KCNQ5: variants seen among roughly 807,000 people sequenced by gnomAD.
KCNQ5 encodes potassium voltage-gated channel subfamily KQT member 5.
A neutral mutation model predicts 98.2 loss-of-function variants in KCNQ5; 30 were observed. That is an observed-to-expected ratio of 0.31 (90% CI 0.23 to 0.41). KCNQ5 has a LOEUF of 0.41. Among genes scored for constraint, KCNQ5 ranks in the 10% least tolerant of loss-of-function variants. KCNQ5 has a pLI of 1.00. For missense variants in KCNQ5, 835 were observed against 1,182.5 expected, an observed-to-expected ratio of 0.71 and a Z score of 4.31; for synonymous variants, 458 against 449.4, an observed-to-expected ratio of 1.02 and a Z score of -0.24.
At chr6:73,186,261 G>A (rs1356402037) in intron 11 of KCNQ5, among the ~76,000 whole-genome samples, 1 of 151,852 alleles carries the variant, frequency 6.6e-6, no homozygotes. Context: ...GACAGTCTAT[G>A]CTTTTAAACA....
intron 1 of KCNQ5, among the ~76,000 whole-genome samples, chr6:72,731,292 A>G (rs1187973366): frequency 6.6e-6 from 1 of 152,216 alleles, no homozygotes; most frequent in African/African-American, 2.4e-5. Context: ...GCAAAGCACA[A>G]TGGAGATAGA....
intron 1 of KCNQ5, among the ~76,000 whole-genome samples, chr6:73,002,812 GC>G (rs1275949937): frequency 6.6e-6 from 1 of 152,148 alleles, no homozygotes; most frequent in Non-Finnish European, 1.5e-5. Flanking sequence ...GGCATTAGGA[GC>G]CAGATTTGTC....
chr6:72,648,685 G>A (rs1436202113), intron 1 of KCNQ5, among the ~76,000 whole-genome samples: 1 of 151,720 alleles, frequency 6.6e-6, no homozygotes, highest in Non-Finnish European at 1.5e-5. Context: ...GCATATGCAG[G>A]AGTTTCTACT....
At chr6:72,745,182 C>G (rs1235277339) in intron 1 of KCNQ5, among the ~76,000 whole-genome samples, 2 of 152,144 alleles carry the variant, frequency 1.3e-5, no homozygotes, top group African/African-American at 4.8e-5. Context: ...AAAAATCCAG[C>G]CATGAAAGGA....
chr6:72,631,970 C>A (rs998468828), intron 1 of KCNQ5, among the ~76,000 whole-genome samples: 1 of 152,036 alleles, frequency 6.6e-6, no homozygotes, highest in Admixed American at 6.6e-5. Context: ...AACCAGAATA[C>A]CAAAGTAGGG....
intron 1 of KCNQ5, among the ~76,000 whole-genome samples, chr6:72,894,299 C>A (rs1391870690): frequency 6.6e-6 from 1 of 152,194 alleles, no homozygotes; most frequent in Non-Finnish European, 1.5e-5. Flanking sequence ...TGGAAAAGAG[C>A]CATGAATAAC....
At chr6:73,125,661 G>A in intron 9 of KCNQ5, 1 of 193,416 alleles carries the variant, frequency 5.2e-6, no homozygotes, top group Non-Finnish European at 1.0e-5. Flanking sequence ...TTAAGGCTCT[G>A]GATTATCCAT....
At chr6:72,730,757 A>G (rs936296336) in intron 1 of KCNQ5, among the ~76,000 whole-genome samples, 1 of 152,056 alleles carries the variant, frequency 6.6e-6, no homozygotes, top group South Asian at 2.1e-4. Flanking sequence ...ATTCTTCATT[A>G]CACTTTTTTC....
chr6:72,833,828 A>G (rs111334431), intron 1 of KCNQ5, among the ~76,000 whole-genome samples: 13 of 152,298 alleles, frequency 8.5e-5, no homozygotes, highest in Non-Finnish European at 1.6e-4. Context: ...AAATTATGAC[A>G]TATTTATATG....
At chr6:72,691,432 C>T (rs972779870) in intron 1 of KCNQ5, among the ~76,000 whole-genome samples, 3 of 152,150 alleles carry the variant, frequency 2.0e-5, no homozygotes, top group African/African-American at 7.2e-5. Flanking sequence ...ACCCTTTAGT[C>T]GTATTTTGAG....
chr6:73,087,850 C>G (rs1774054755), intron 5 of KCNQ5, among the ~76,000 whole-genome samples: 1 of 151,994 alleles, frequency 6.6e-6, no homozygotes, highest in African/African-American at 2.4e-5. Context: ...GAATTTGTCT[C>G]CCTCTTTATC....
intron 10 of KCNQ5, among the ~76,000 whole-genome samples, chr6:73,150,809 G>C (rs1339556773): frequency 9.4e-6 from 1 of 105,862 alleles, no homozygotes. Context: ...CATTAATGTA[G>C]TGTGGGAAGT....
intron 9 of KCNQ5, chr6:73,125,570 C>T: frequency 2.2e-6 from 1 of 444,654 alleles, no homozygotes; most frequent in Non-Finnish European, 4.5e-6. Context: ...GTTCTTTTAG[C>T]TTAGTACTAT....
intron 3 of KCNQ5, among the ~76,000 whole-genome samples, chr6:73,051,308 AG>A (rs896362875): frequency 6.6e-6 from 1 of 152,140 alleles, no homozygotes; most frequent in African/African-American, 2.4e-5. Context: ...GTGCACATGG[AG>A]GCCGGCAGCC....
At chr6:73,158,035 C>T (rs1777437933) in intron 10 of KCNQ5, 1 of 685,058 alleles carries the variant, frequency 1.5e-6, no homozygotes, top group African/African-American at 1.7e-5. Flanking sequence ...ATGGGGAGGC[C>T]GCTGATAGTG....
At chr6:73,069,734 A>G (rs1773223254) in intron 3 of KCNQ5, among the ~76,000 whole-genome samples, 1 of 152,164 alleles carries the variant, frequency 6.6e-6, no homozygotes, top group Non-Finnish European at 1.5e-5. Context: ...AGAAGGGAGA[A>G]GGGCCTTCTA....
At chr6:72,980,137 T>C (rs150152013) in intron 1 of KCNQ5, among the ~76,000 whole-genome samples, 1,719 of 152,312 alleles carry the variant, frequency 0.011, 61 homozygotes, top group Admixed American at 0.069. Context: ...TCTTTTTGCT[T>C]AGGATTGACT....
At chr6:72,822,569 G>A (rs1177516072) in intron 1 of KCNQ5, among the ~76,000 whole-genome samples, 1 of 152,054 alleles carries the variant, frequency 6.6e-6, no homozygotes, top group South Asian at 2.1e-4. Context: ...TAGTGCTTTC[G>A]GGAACTTTTG....
At chr6:72,767,431 A>C (rs952195613) in intron 1 of KCNQ5, among the ~76,000 whole-genome samples, 7 of 152,030 alleles carry the variant, frequency 4.6e-5, no homozygotes, top group Admixed American at 1.3e-4. Context: ...GTTTTGAGAA[A>C]GAATTATTAA....
Sources: gnomAD v4.1 joint callset for allele counts (sites outside exome capture counted in the v4.1 genomes callset) on GRCh38, gnomAD v4.1.1 for gene constraint, MANE v1.5 for transcripts, NCBI Gene and HGNC (gene_info 2026-07-23, HGNC 2026-07-21) for gene names.